Variants in NUGGC observed in about 807,000 individuals in gnomAD.
The protein encoded by NUGGC is nuclear GTPase SLIP-GC.
A neutral mutation model predicts 92.6 loss-of-function variants in NUGGC; 58 were observed. The ratio of observed to expected loss-of-function variants is 0.63; its 90% CI spans 0.51 to 0.78. The LOEUF (loss-of-function observed/expected upper bound fraction) is 0.78, where lower values mean the gene tolerates loss of function less well. Ranked by LOEUF, NUGGC falls within the 30% of genes least tolerant of loss-of-function variation. NUGGC has a pLI of 0.00. For missense variants in NUGGC, 925 were observed against 964.6 expected (o/e 0.96, Z 0.54); for synonymous variants, 376 against 366.4 (o/e 1.03, Z -0.30).
chr8:28,076,959 G>A (rs145338921), intron 1 of NUGGC, among the ~76,000 whole-genome samples: 25 of 152,296 alleles, frequency 1.6e-4, no homozygotes, highest in Middle Eastern at 3.4e-3. Flanking sequence ...TTAGGAAACC[G>A]TGAGTTTTCT....
At position 28,074,400 on chromosome 8, in the gene NUGGC, G is replaced by A. The variant is rs564194940; in HGVS notation, c.11C>T (p.Thr4Met). 15 of 1,613,630 alleles carry A rather than the reference G, an allele frequency of 9.3e-6. No homozygotes were observed. The East Asian group carries it at 1.1e-4, about 12-fold the overall frequency. Reference protein sequence around the residue: MAETKDVFGQEPHP... With the variant: MAEMKDVFGQEPHP... ...CGGTTCCTGGCCAAAAACATCCTTC[G>A]TTTCTGCCATTCCTTGTTACGTGAA... Residue 4 changes from threonine to methionine, a missense_variant, in exon 2 of 19, where the codon ACG (threonine) becomes ATG (methionine). By Grantham distance (81) the Thr-to-Met change is moderately conservative. Coordinates refer to ENST00000413272, the MANE Select transcript of NUGGC (RefSeq NM_001010906.2).
intron 1 of NUGGC, among the ~76,000 whole-genome samples, chr8:28,080,124 T>A (rs1810814992): frequency 6.6e-6 from 1 of 152,036 alleles, no homozygotes; most frequent in Non-Finnish European, 1.5e-5. Flanking sequence ...GTATCTCTAG[T>A]AGAGACAAGG....
chr8:28,034,092 T>C (rs1207052775), intron 13 of NUGGC, among the ~76,000 whole-genome samples: 2 of 152,230 alleles, frequency 1.3e-5, no homozygotes, highest in Non-Finnish European at 2.9e-5. Flanking sequence ...AATGAGCAAT[T>C]ATTGAACGAC....
rs1389721316 is a variant in NUGGC at position 28,061,364 on chromosome 8, C to A, written c.922-763G>T. Among the ~76,000 whole-genome samples, 10 of 152,272 alleles carry A rather than the reference C, an allele frequency of 6.6e-5. No homozygotes were observed. The East Asian group carries it at 1.2e-3, about 18-fold the overall frequency. On this transcript the variant is annotated intron_variant, in intron 7 of 18. Transcript: ENST00000413272. The stretch of plus-strand genomic sequence containing the variant: ...ACTTTCACATGACGATCATGTGTAG[C>A]CTTGTGACATTTCTCTAATTGTATT...
intron 10 of NUGGC, among the ~76,000 whole-genome samples, chr8:28,055,504 G>A (rs186000692): frequency 5.9e-5 from 9 of 152,292 alleles, no homozygotes; most frequent in African/African-American, 1.9e-4. Flanking sequence ...TTAAAGATGA[G>A]AAAATGGTGC....
Position 28,045,945 on chromosome 8 carries a change from T to G in NUGGC, c.1313-285A>C, listed in dbSNP as rs573968610. Among the ~76,000 whole-genome samples the G allele has an allele frequency of 2.0e-5, 3 of 152,332 alleles. No individual in the cohort carries two copies. The South Asian group carries it at 6.2e-4, about 32-fold the overall frequency. ...AGGCTAGTTGAAAACATGGGCTCTT[T>G]CCTTTGAACAGCTATCACCTGCAGA... is the stretch of plus-strand genomic sequence containing the variant. On this transcript the variant is annotated intron_variant, in intron 11 of 18. Coordinates refer to ENST00000413272, the MANE Select transcript of NUGGC (RefSeq NM_001010906.2).
intron 10 of NUGGC, among the ~76,000 whole-genome samples, chr8:28,049,191 G>T (rs1354506124): frequency 6.6e-6 from 1 of 152,168 alleles, no homozygotes; most frequent in Non-Finnish European, 1.5e-5. Flanking sequence ...ATAAGCACGT[G>T]TAGTTAAGGC....
chr8:28,060,650 T>C, intron 7 of NUGGC, 49 bp from the exon 8 acceptor site: 2 of 1,556,980 alleles, frequency 1.3e-6, no homozygotes, highest in Non-Finnish European at 1.7e-6. Context: ...GGAGTCACAG[T>C]TCCTGAGGAC....
chr8:28,032,652 A>G (rs930741599), intron 14 of NUGGC, among the ~76,000 whole-genome samples: 1 of 150,318 alleles, frequency 6.7e-6, no homozygotes, highest in Non-Finnish European at 1.5e-5. Flanking sequence ...CAGGAGGCAG[A>G]GCTTCCAATG....
At chr8:28,058,598 C>G (rs924868915) in intron 8 of NUGGC, among the ~76,000 whole-genome samples, 2 of 152,218 alleles carry the variant, frequency 1.3e-5, no homozygotes, top group Non-Finnish European at 2.9e-5. Flanking sequence ...ACTTTTAACC[C>G]TCTTTTAGAT....
At chr8:28,045,780 G>T (rs952543534) in intron 11 of NUGGC, 120 bp from the exon 12 acceptor site, 1 of 1,073,070 alleles carries the variant, frequency 9.3e-7, no homozygotes, top group African/African-American at 1.6e-5. Context: ...GATCCCAAGT[G>T]GGCTGGATGC....
intron 13 of NUGGC, among the ~76,000 whole-genome samples, chr8:28,036,129 C>T (rs751629636): frequency 3.9e-5 from 6 of 152,182 alleles, no homozygotes; most frequent in Non-Finnish European, 8.8e-5. Context: ...CTGCCTCAGC[C>T]TCCCAAAGTG....
At chr8:28,024,807 C>T (rs1809215430) in intron 18 of NUGGC, among the ~76,000 whole-genome samples, 1 of 152,160 alleles carries the variant, frequency 6.6e-6, no homozygotes, top group African/African-American at 2.4e-5. Context: ...TTGAGGCTTC[C>T]CCCAGGACCC....
At chr8:28,070,648 TGCTGCG>T (rs1810567469) in intron 2 of NUGGC, among the ~76,000 whole-genome samples, 1 of 149,468 alleles carries the variant, frequency 6.7e-6, no homozygotes, top group Admixed American at 6.6e-5. Flanking sequence ...CAGGCCAGAG[TGCTGCG>T]GCATGATCAC....
rs1353332502 is a variant in NUGGC, at chr8:28,031,400, A to G, written c.1770-19T>C. On this transcript the variant is annotated intron_variant, in intron 14 of 18. Transcript: ENST00000413272. ...CCCCGTCCTACGGAAGAAAGTGACA[A>G]AAAAGTTTAAGAGAATGGTGGCTGC... 6.2e-7 allele frequency: 1 copy of G among 1,611,452 alleles called. No homozygotes were observed. Among genetic ancestry groups the G allele is most frequent in the Non-Finnish European group, 8.5e-7 (1 of 1,178,374 alleles).
intron 13 of NUGGC, among the ~76,000 whole-genome samples, chr8:28,034,717 T>A (rs922457924): frequency 6.6e-6 from 1 of 152,074 alleles, no homozygotes; most frequent in Admixed American, 6.5e-5. Flanking sequence ...CTCAGGAGGC[T>A]GTGGCAGGAG....
chr8:28,039,992 G>C (rs906385308), intron 13 of NUGGC, among the ~76,000 whole-genome samples: 2 of 152,146 alleles, frequency 1.3e-5, no homozygotes, highest in African/African-American at 2.4e-5. Context: ...AGGAGTGTGC[G>C]TGCTCAGTGA....
chr8:28,028,780 G>C (rs11997145), intron 17 of NUGGC, among the ~76,000 whole-genome samples: 5,983 of 152,262 alleles, frequency 0.039, 407 homozygotes, highest in African/African-American at 0.13. Flanking sequence ...GACTGGCCTT[G>C]AGTAGTGTAT....
At chr8:28,063,777 G>T (rs1810369064) in intron 7 of NUGGC, among the ~76,000 whole-genome samples, 1 of 152,194 alleles carries the variant, frequency 6.6e-6, no homozygotes, top group African/African-American at 2.4e-5. Context: ...CAAACCTGTG[G>T]AGTTTAAAGA....
Sources: gnomAD v4.1 joint callset for allele counts (sites outside exome capture counted in the v4.1 genomes callset) on GRCh38, gnomAD v4.1.1 for gene constraint, MANE v1.5 for transcripts, NCBI Gene and HGNC (gene_info 2026-07-23, HGNC 2026-07-21) for gene names.